EPB41L5: variants seen among roughly 807,000 people sequenced by gnomAD.
EPB41L5 encodes the protein erythrocyte membrane protein band 4.1 like 5.
In EPB41L5, 55 loss-of-function variants were observed where a neutral mutation model predicts 106.6. The ratio of observed to expected loss-of-function variants is 0.52; its 90% CI spans 0.42 to 0.65. EPB41L5 has a LOEUF of 0.65. EPB41L5 is among the 30% of genes least tolerant of loss of function. The pLI is 0.00. For missense variants in EPB41L5, 871 were observed against 882.1 expected, an observed-to-expected ratio of 0.99 and a Z score of 0.16; for synonymous variants, 297 against 306.7, an observed-to-expected ratio of 0.97 and a Z score of 0.33.
At chr2:120,042,139 C>T in intron 3 of EPB41L5, 29 bp downstream of exon 3, 1 of 1,539,666 alleles carries the variant, frequency 6.5e-7, no homozygotes, top group Non-Finnish European at 9.0e-7. Flanking sequence ...GAAGTTTTAG[C>T]ATAAGGAGAA....
chr2:120,158,814 C>T (rs886286653), intron 20 of EPB41L5, among the ~76,000 whole-genome samples: 7 of 152,220 alleles, frequency 4.6e-5, no homozygotes, highest in African/African-American at 1.7e-4. Flanking sequence ...TGTTTCCAGA[C>T]GACATGATTC....
At chr2:120,163,705 G>A (rs1052467103) in intron 21 of EPB41L5, among the ~76,000 whole-genome samples, 2 of 151,192 alleles carry the variant, frequency 1.3e-5, no homozygotes, top group African/African-American at 2.4e-5. Context: ...CTGTAATCCC[G>A]GTGCTTTGGG....
chr2:120,071,036 G>A (rs1464929835), intron 3 of EPB41L5, among the ~76,000 whole-genome samples: 4 of 152,202 alleles, frequency 2.6e-5, no homozygotes, highest in African/African-American at 7.2e-5. Context: ...TGGGAAGAGA[G>A]GAAGTCAGAT....
intron 20 of EPB41L5, among the ~76,000 whole-genome samples, chr2:120,147,555 G>T (rs1431595548): frequency 6.7e-6 from 1 of 150,306 alleles, no homozygotes; most frequent in Non-Finnish European, 1.5e-5. Flanking sequence ...AACCCAGGAG[G>T]CAGAGGTTGC....
At position 120,095,999 on chromosome 2, in the gene EPB41L5, C is replaced by T. The variant is rs575356297; in HGVS notation, c.1178+2723C>T. 2.6e-5 allele frequency among the ~76,000 whole-genome samples: 4 copies of T among 152,152 alleles called. No individual in the cohort carries two copies. The East Asian group carries it at 7.7e-4, about 29-fold the overall frequency. ...CCATTAATTTTAATATTACTTATTA[C>T]AATGAGGCTATATCTGTGGTCTCAT... On this transcript the variant is annotated intron_variant, in intron 14 of 24. Transcript: ENST00000263713.
chr2:120,014,969 A>G, intron 1 of EPB41L5, among the ~76,000 whole-genome samples: 1 of 76,192 alleles, frequency 1.3e-5, no homozygotes, highest in Admixed American at 1.4e-4. Flanking sequence ...TTTCACAATC[A>G]TTAAAAAAAA....
intron 1 of EPB41L5, among the ~76,000 whole-genome samples, chr2:120,017,922 C>T (rs1677636207): frequency 1.3e-5 from 2 of 150,788 alleles, no homozygotes. Context: ...TCAGCCTCCC[C>T]AGTAGCCGGG....
intron 3 of EPB41L5, among the ~76,000 whole-genome samples, chr2:120,051,321 C>T (rs1391059513): frequency 6.6e-6 from 1 of 152,232 alleles, no homozygotes; most frequent in Admixed American, 6.5e-5. Context: ...AGCTTCCTAG[C>T]AGCTTTGTTT....
At chr2:120,117,311 C>T (rs1394009259) in intron 16 of EPB41L5, among the ~76,000 whole-genome samples, 1 of 152,132 alleles carries the variant, frequency 6.6e-6, no homozygotes, top group Non-Finnish European at 1.5e-5. Context: ...ATACCCATGC[C>T]ACTGTCAACA....
intron 3 of EPB41L5, among the ~76,000 whole-genome samples, chr2:120,043,856 A>T (rs1261470301): frequency 2.6e-5 from 4 of 152,180 alleles, no homozygotes; most frequent in Non-Finnish European, 2.9e-5. Flanking sequence ...TATTTTTTAA[A>T]AAAATCTAGG....
intron 1 of EPB41L5, among the ~76,000 whole-genome samples, chr2:120,017,483 C>CT (rs1480983479): frequency 2.0e-5 from 3 of 152,176 alleles, no homozygotes; most frequent in African/African-American, 7.2e-5. Context: ...CTTATGTGTA[C>CT]TTAAACTCTC....
chr2:120,021,268 A>AGGCAGGAGAATCACTTGAACCTGGGG, intron 2 of EPB41L5, among the ~76,000 whole-genome samples: 1 of 151,640 alleles, frequency 6.6e-6, no homozygotes, highest in Admixed American at 6.6e-5. Flanking sequence ...TGAACCTGGG[A>AGGCAGGAGAATCACTTGAACCTGGGG]GGTGGAGATT....
Position 120,019,073 on chromosome 2 carries a change from A to C in EPB41L5, c.-8-4A>C. On this transcript the variant is annotated splice_region_variant and splice_polypyrimidine_tract_variant and intron_variant, in intron 1 of 24. Coordinates refer to ENST00000263713, the MANE Select transcript of EPB41L5 (RefSeq NM_020909.4). ...ATGCCATCTTTTTCTCTCTGTTTTT[A>C]TAGTGACAAAAATGCTGAGTTTCTT... 1 of 1,587,294 alleles carries C rather than the reference A, an allele frequency of 6.3e-7. No individual in the cohort carries two copies. The highest frequency in any genetic ancestry group is 8.5e-7 in the Non-Finnish European group (1 of 1,169,872).
At chr2:120,045,968 T>A (rs1679745110) in intron 3 of EPB41L5, among the ~76,000 whole-genome samples, 1 of 152,176 alleles carries the variant, frequency 6.6e-6, no homozygotes, top group African/African-American at 2.4e-5. Flanking sequence ...TTCATCCATG[T>A]TCCTACAAAG....
In EPB41L5 at chr2:120,176,544, G is replaced by A. The variant is rs2105589626; in HGVS notation, c.*1637G>A. ...CACGTTTGCACAAAACATTTTTGCA[G>A]AAGGAAAGTCAACACTTCTTGCTGG... is the stretch of plus-strand genomic sequence containing the variant. On this transcript the variant is annotated 3_prime_UTR_variant, in exon 25 of 25. Transcript: ENST00000263713. 6.6e-6 allele frequency: 1 copy of A among 152,334 alleles called. No individual in the cohort carries two copies. The highest frequency in any genetic ancestry group is 2.1e-4 in the South Asian group (1 of 4,820). 9.4% of individuals were successfully genotyped at this position (152,334 alleles called of 1,614,324 possible). A position where few individuals can be genotyped will look rare whatever the true frequency, so the allele number is the denominator to read the frequency against.
At chr2:120,138,771 C>T (rs112103768) in intron 18 of EPB41L5, among the ~76,000 whole-genome samples, 10 of 151,808 alleles carry the variant, frequency 6.6e-5, no homozygotes, top group African/African-American at 2.4e-4. Flanking sequence ...AGCAGTTTGC[C>T]AATTCAATTT....
At position 120,178,997 on chromosome 2, in the gene EPB41L5, T is replaced by G. The variant is rs1688009272; in HGVS notation, c.*4090T>G. The G allele has an allele frequency of 6.6e-6, 1 of 152,274 alleles. No homozygotes were observed. Among genetic ancestry groups the G allele is most frequent in the South Asian group, 2.1e-4 (1 of 4,836 alleles). 9.4% of individuals were successfully genotyped at this position (152,274 alleles called of 1,614,324 possible). A position where few individuals can be genotyped will look rare whatever the true frequency, so the allele number is the denominator to read the frequency against. Reference sequence around the variant, plus strand: ...TAATTTATTTTTCTATCAAGTGCACTATTCATTTAGTGTGTTCCAGTTTTA... The same window carrying G: ...TAATTTATTTTTCTATCAAGTGCACGATTCATTTAGTGTGTTCCAGTTTTA... On this transcript the variant is annotated 3_prime_UTR_variant, in exon 25 of 25. Coordinates refer to ENST00000263713, the MANE Select transcript of EPB41L5 (RefSeq NM_020909.4).
rs571586611 is a variant in EPB41L5 at position 120,089,817 on chromosome 2, T to G, written c.874-530T>G. On this transcript the variant is annotated intron_variant, in intron 11 of 24. Coordinates refer to ENST00000263713, the MANE Select transcript of EPB41L5 (RefSeq NM_020909.4). Reference sequence around the variant, plus strand: ...TTAAGTTCATTTCCGGTTTTCTTTCTTAATAGCTTTGTGATTTTGGGCTTA... The same window carrying G: ...TTAAGTTCATTTCCGGTTTTCTTTCGTAATAGCTTTGTGATTTTGGGCTTA... Among the ~76,000 whole-genome samples the G allele has an allele frequency of 5.3e-5, 8 of 152,298 alleles. No homozygotes were observed. In the East Asian group the frequency reaches 1.5e-3, roughly 29 times the overall value.
At chr2:120,047,011 T>C (rs1230480399) in intron 3 of EPB41L5, among the ~76,000 whole-genome samples, 1 of 151,734 alleles carries the variant, frequency 6.6e-6, no homozygotes, top group Non-Finnish European at 1.5e-5. Context: ...TTCTGTTCCA[T>C]TGGTCTATGT....
Sources: gnomAD v4.1 joint callset for allele counts (sites outside exome capture counted in the v4.1 genomes callset) on GRCh38, gnomAD v4.1.1 for gene constraint, MANE v1.5 for transcripts, NCBI Gene and HGNC (gene_info 2026-07-23, HGNC 2026-07-21) for gene names.